NHSL1: variants seen among roughly 807,000 people sequenced by gnomAD.
NHSL1 encodes NHS like 1.
In NHSL1, 48 loss-of-function variants were observed where a neutral mutation model predicts 95.0. The ratio of observed to expected loss-of-function variants is 0.51; its 90% CI spans 0.40 to 0.64. The LOEUF (loss-of-function observed/expected upper bound fraction) is 0.64, where lower values mean the gene tolerates loss of function less well. Ranked by LOEUF, NHSL1 falls within the 30% of genes least tolerant of loss-of-function variation. The pLI, the probability that NHSL1 is intolerant of heterozygous loss-of-function variation, is 0.00. For missense variants in NHSL1, 1,971 were observed against 2,077.7 expected (o/e 0.95, Z 1.00); for synonymous variants, 783 against 833.9 (o/e 0.94, Z 1.05).
At chr6:138,691,932 A>G (rs1458757170) in intron 1 of NHSL1, 2 of 456,720 alleles carry the variant, frequency 4.4e-6, no homozygotes, top group East Asian at 1.4e-4. Context: ...GAAAACCCTT[A>G]AAGTCTGCAT....
At chr6:138,567,856 C>G (rs1156305618) in intron 1 of NHSL1, among the ~76,000 whole-genome samples, 2 of 152,258 alleles carry the variant, frequency 1.3e-5, no homozygotes, top group Non-Finnish European at 1.5e-5. Context: ...TTGTTCAAAG[C>G]AAGGCTTTGC....
At chr6:138,661,524 T>G in intron 1 of NHSL1, among the ~76,000 whole-genome samples, 1 of 151,474 alleles carries the variant, frequency 6.6e-6, no homozygotes, top group Middle Eastern at 3.4e-3. Context: ...TAGCTGGGCT[T>G]GGTGGGCCAC....
At chr6:138,685,653 G>A (rs564156949) in intron 1 of NHSL1, among the ~76,000 whole-genome samples, 3 of 152,008 alleles carry the variant, frequency 2.0e-5, no homozygotes, top group East Asian at 3.9e-4. Context: ...AGTTTGAGAT[G>A]AGCCTAAGCA....
At chr6:138,594,488 C>A (rs902948401) in intron 1 of NHSL1, among the ~76,000 whole-genome samples, 1 of 152,132 alleles carries the variant, frequency 6.6e-6, no homozygotes, top group African/African-American at 2.4e-5. Context: ...ACTCTTTGAT[C>A]TTCATGCACT....
intron 1 of NHSL1, among the ~76,000 whole-genome samples, chr6:138,627,443 C>T (rs1375507790): frequency 3.3e-5 from 5 of 152,098 alleles, no homozygotes; most frequent in African/African-American, 1.2e-4. Flanking sequence ...ACTATTAATA[C>T]ATTGTTGAAT....
intron 1 of NHSL1, among the ~76,000 whole-genome samples, chr6:138,559,556 C>T (rs769806010): frequency 6.6e-6 from 1 of 152,216 alleles, no homozygotes; most frequent in Non-Finnish European, 1.5e-5. Context: ...CTACTCTACA[C>T]TGTTTCTCAA....
chr6:138,589,975 T>A (rs7748158), intron 1 of NHSL1, among the ~76,000 whole-genome samples: 1,778 of 151,990 alleles, frequency 0.012, 27 homozygotes, highest in African/African-American at 0.041. Flanking sequence ...GCCTCTAGTG[T>A]TTTTCTACAA....
intron 1 of NHSL1, among the ~76,000 whole-genome samples, chr6:138,583,200 C>T (rs1279760676): frequency 1.3e-5 from 2 of 152,174 alleles, no homozygotes; most frequent in African/African-American, 2.4e-5. Context: ...CAGTCCAAGC[C>T]TGTCTTTTCC....
At chr6:138,600,728 T>C (rs901870951) in intron 1 of NHSL1, among the ~76,000 whole-genome samples, 7 of 152,146 alleles carry the variant, frequency 4.6e-5, no homozygotes, top group African/African-American at 1.7e-4. Context: ...GATCTTACTA[T>C]CCCTATTAGA....
chr6:138,503,561 A>ATAT (rs1780800925), upstream of NHSL1, among the ~76,000 whole-genome samples: 3 of 152,170 alleles, frequency 2.0e-5, no homozygotes, highest in African/African-American at 7.2e-5. Context: ...ATTAGTTGAA[A>ATAT]TATTGTCTAA....
chr6:138,509,718 A>G (rs184028377), intron 1 of NHSL1, among the ~76,000 whole-genome samples: 73 of 152,334 alleles, frequency 4.8e-4, no homozygotes, highest in Admixed American at 2.9e-3. Context: ...GACATATTCT[A>G]TGATCCCTGT....
chr6:138,672,988 A>T (rs1280690774), intron 1 of NHSL1, among the ~76,000 whole-genome samples: 2 of 151,910 alleles, frequency 1.3e-5, no homozygotes, highest in Admixed American at 6.6e-5. Flanking sequence ...CTGCACTCCA[A>T]TCTGGGAGAG....
chr6:138,653,414 C>T lies in NHSL1; in HGVS notation c.96+39062G>A, dbSNP rs139118025. Among the ~76,000 whole-genome samples the T allele has an allele frequency of 8.5e-5, 13 of 152,140 alleles. No individual in the cohort carries two copies. The East Asian group carries it at 2.1e-3, about 25-fold the overall frequency. On this transcript the variant is annotated intron_variant, in intron 1 of 3. Coordinates refer to the NHSL1 transcript ENST00000491526. ...ACTAAAAATACAAAAACTAGCCAGG[C>T]GTAGTGGCATGTGCCTGTAATCCCA...
At chr6:138,467,572 C>T (rs1396830879) in intron 3 of NHSL1, among the ~76,000 whole-genome samples, 1 of 152,180 alleles carries the variant, frequency 6.6e-6, no homozygotes, top group African/African-American at 2.4e-5. Flanking sequence ...TAGGAGATAA[C>T]AGCTTCATGG....
chr6:138,478,012 CTTTTTTTTTTTTT>C lies in NHSL1; in HGVS notation c.212-4592_212-4580del, dbSNP rs71009589. 2.2e-3 allele frequency among the ~76,000 whole-genome samples: 66 copies of C among 30,022 alleles called. 3 individuals are homozygous for C. The highest frequency in any genetic ancestry group is 8.3e-3 in the East Asian group (6 of 720). The allele number at this position is 30,022 out of a possible 152,430, so 19.7% of individuals were successfully genotyped here. A position where few individuals can be genotyped will look rare whatever the true frequency, so the allele number is the denominator to read the frequency against. ...TTTTTTCACCATGAAATTTATGTCA[CTTTTTTTTTTTTT>C]TTTTTTTTTTTTTTTTGAGACTGAG... On this transcript the variant is annotated intron_variant, in intron 2 of 7. Coordinates refer to ENST00000343505, the MANE Select transcript of NHSL1 (RefSeq NM_001144060.2).
In NHSL1 at chr6:138,597,451, C is replaced by A. The variant is rs540518406; in HGVS notation, c.96+95025G>T. 2.0e-5 allele frequency among the ~76,000 whole-genome samples: 3 copies of A among 152,328 alleles called. No homozygotes were observed. In the South Asian group the frequency reaches 6.2e-4, roughly 32 times the overall value. Reference sequence around the variant, plus strand: ...GCCTGTGCTATTAATCATCACGGAACTTTAGTCCAAAATTCAAATCAAACA... The same window carrying A: ...GCCTGTGCTATTAATCATCACGGAAATTTAGTCCAAAATTCAAATCAAACA... On this transcript the variant is annotated intron_variant, in intron 1 of 3. Coordinates refer to the NHSL1 transcript ENST00000491526.
intron 1 of NHSL1, among the ~76,000 whole-genome samples, chr6:138,513,916 C>T (rs970084654): frequency 1.3e-5 from 2 of 152,138 alleles, no homozygotes; most frequent in Admixed American, 6.5e-5. Flanking sequence ...CAACAAGGTG[C>T]CCAGTGCCAG....
rs780364510 is a variant in NHSL1, at chr6:138,473,466, C to T, written c.212-33G>A. On this transcript the variant is annotated intron_variant, in intron 2 of 7. Transcript: ENST00000343505. ...GGGGCACGCAGGGAGGGGAAGGAGG[C>T]CATTAAAAAGCTGTACTCCTCTTTA... is the stretch of plus-strand genomic sequence containing the variant. 5.7e-6 allele frequency: 8 copies of T among 1,393,264 alleles called. No individual in the cohort carries two copies. The South Asian group carries it at 1.2e-4, about 22-fold the overall frequency. 86.3% of individuals were successfully genotyped at this position (1,393,264 alleles called of 1,614,324 possible).
intron 3 of NHSL1, among the ~76,000 whole-genome samples, chr6:138,463,069 C>G (rs1438594495): frequency 6.6e-6 from 1 of 152,150 alleles, no homozygotes; most frequent in Non-Finnish European, 1.5e-5. Context: ...TTCTTTGTCT[C>G]ATAACTTAAG....
Sources: gnomAD v4.1 joint callset for allele counts (sites outside exome capture counted in the v4.1 genomes callset) on GRCh38, gnomAD v4.1.1 for gene constraint, MANE v1.5 for transcripts, NCBI Gene and HGNC (gene_info 2026-07-23, HGNC 2026-07-21) for gene names.